DPH7: variants seen among roughly 807,000 people sequenced by gnomAD.
The protein encoded by DPH7 is diphthamide biosynthesis 7.
A neutral mutation model predicts 41.7 loss-of-function variants in DPH7; 44 were observed. The observed-to-expected ratio is 1.05, with a 90% CI of 0.83 to 1.36. The LOEUF is 1.36. DPH7 is among the 40% of genes most tolerant of loss of function. The pLI is 0.00. For synonymous variants in DPH7, 275 were observed against 238.0 expected (o/e 1.16, Z -1.43); for missense variants, 629 against 577.5 (o/e 1.09, Z -0.91).
intron 5 of DPH7, among the ~76,000 whole-genome samples, chr9:137,571,917 T>C (rs2133126689): frequency 6.6e-6 from 1 of 152,294 alleles, no homozygotes; most frequent in South Asian, 2.1e-4. Flanking sequence ...AAAGAATGAA[T>C]CAGTCCAGAA....
intron 5 of DPH7, among the ~76,000 whole-genome samples, chr9:137,569,279 T>A (rs1340040589): frequency 1.0e-5 from 1 of 97,876 alleles, no homozygotes; most frequent in Non-Finnish European, 2.0e-5. Flanking sequence ...CCTCACCCTA[T>A]CCAAAATTCC....
At chr9:137,562,292 G>C (rs890888543) in intron 8 of DPH7, among the ~76,000 whole-genome samples, 11 of 152,106 alleles carry the variant, frequency 7.2e-5, no homozygotes, top group African/African-American at 2.7e-4. Flanking sequence ...ACACACGTCC[G>C]CAAGTGCACA....
intron 8 of DPH7, among the ~76,000 whole-genome samples, chr9:137,561,021 CAA>C (rs869251490): frequency 2.5e-4 from 20 of 80,672 alleles, no homozygotes; most frequent in South Asian, 4.1e-4. Context: ...GACCCCATCT[CAA>C]AAAAAAAAAA....
intron 6 of DPH7, 62 bp downstream of exon 6, chr9:137,565,023 C>A (rs2132998539): frequency 1.2e-6 from 2 of 1,610,834 alleles, no homozygotes; most frequent in South Asian, 1.1e-5. Context: ...AACGGGAGGG[C>A]TGGTGACCCA....
Position 137,565,129 on chromosome 9 carries a change from G to A in DPH7, c.666C>T (p.Gly222=). ...YSGGDDGLLR[G]WDTRVPGKFL... is the part of the protein sequence containing the mutation. ...ATTTGCCGGGTACCCTGGTGTCCCA[G>A]CCCCTCAGAAGGCCATCGTCGCCCC... Residue 222 remains glycine, a synonymous_variant, in exon 6 of 9, where the codon GGC becomes GGT. Transcript: ENST00000277540. 1 of 1,614,050 alleles carries A rather than the reference G, an allele frequency of 6.2e-7. No homozygotes were observed. Among genetic ancestry groups the A allele is most frequent in the Non-Finnish European group, 8.5e-7 (1 of 1,180,032 alleles).
chr9:137,576,200 G>A, intron 2 of DPH7, 33 bp from the exon 3 acceptor site: 1 of 1,598,710 alleles, frequency 6.3e-7, no homozygotes, highest in Non-Finnish European at 8.6e-7. Context: ...GCACACCAAT[G>A]TGCCCGGAGC....
intron 8 of DPH7, among the ~76,000 whole-genome samples, chr9:137,564,005 A>T (rs1028552539): frequency 6.6e-6 from 1 of 152,196 alleles, no homozygotes; most frequent in African/African-American, 2.4e-5. Context: ...GGTTCTGCCC[A>T]GAGTGTGAGA....
intron 2 of DPH7, among the ~76,000 whole-genome samples, chr9:137,577,211 G>A (rs1841563159): frequency 6.6e-6 from 1 of 152,182 alleles, no homozygotes; most frequent in Non-Finnish European, 1.5e-5. Context: ...AAGTGGGCTA[G>A]AGCCTACAAC....
In DPH7 at chr9:137,554,524, G is replaced by C. The variant is rs747066213; in HGVS notation, c.*715C>G. ...GTTGCCCCTGGCTCATTGCAGCCTCGACCTCCTGGGCTCAACAATCCTCCT... is the reference window on the plus strand; with the variant it reads ...GTTGCCCCTGGCTCATTGCAGCCTCCACCTCCTGGGCTCAACAATCCTCCT... On this transcript the variant is annotated 3_prime_UTR_variant, in exon 9 of 9. Transcript: ENST00000277540. Among the ~76,000 whole-genome samples the C allele has an allele frequency of 6.6e-6, 1 of 152,032 alleles. No individual in the cohort carries two copies. Among genetic ancestry groups the C allele is most frequent in the Non-Finnish European group, 1.5e-5 (1 of 68,002 alleles).
intron 8 of DPH7, among the ~76,000 whole-genome samples, chr9:137,559,183 G>A (rs542259295): frequency 3.0e-4 from 45 of 152,054 alleles, no homozygotes; most frequent in African/African-American, 1.1e-3. Flanking sequence ...TCATAACCTA[G>A]GAAAAACCAG....
At chr9:137,569,037 G>A (rs768757631) in intron 5 of DPH7, among the ~76,000 whole-genome samples, 2 of 152,120 alleles carry the variant, frequency 1.3e-5, no homozygotes, top group Non-Finnish European at 2.9e-5. Flanking sequence ...AAGGATGGGA[G>A]AAGAGAGGAG....
rs952910972 is a variant in DPH7 at position 137,555,779 on chromosome 9, G to A, written c.950-131C>T. 1.6e-4 allele frequency: 171 copies of A among 1,073,402 alleles called. 1 individual carries two copies. Among genetic ancestry groups the A allele is most frequent in the Non-Finnish European group, 1.7e-4 (128 of 771,498 alleles). The allele number at this position is 1,073,402 out of a possible 1,614,324, so 66.5% of individuals were successfully genotyped here. A position where few individuals can be genotyped will look rare whatever the true frequency, so the allele number is the denominator to read the frequency against. On this transcript the variant is annotated intron_variant, in intron 8 of 8. Coordinates refer to ENST00000277540, the MANE Select transcript of DPH7 (RefSeq NM_138778.5). ...AGCAAGTGTTTCCTGAGGAGCCGTT[G>A]TGTCATGCAAAGGAACCAGCAAGAC...
intron 5 of DPH7, among the ~76,000 whole-genome samples, chr9:137,570,140 C>T (rs1840186895): frequency 6.6e-6 from 1 of 150,996 alleles, no homozygotes; most frequent in Admixed American, 6.6e-5. Flanking sequence ...CACCCACCCA[C>T]CCACCACCCA....
chr9:137,568,465 C>T (rs1435537937), intron 5 of DPH7, among the ~76,000 whole-genome samples: 1 of 57,022 alleles, frequency 1.8e-5, no homozygotes, highest in African/African-American at 8.4e-5. Context: ...CCCTGGGTGA[C>T]TCTGTCTGTG....
Position 137,555,179 on chromosome 9 carries a change from G to C in DPH7, c.*60C>G. 6.5e-7 allele frequency: 1 copy of C among 1,530,560 alleles called. No homozygotes were observed. The highest frequency in any genetic ancestry group is 8.8e-7 in the Non-Finnish European group (1 of 1,137,330). 94.8% of individuals were successfully genotyped at this position (1,530,560 alleles called of 1,614,324 possible). A position where few individuals can be genotyped will look rare whatever the true frequency, so the allele number is the denominator to read the frequency against. ...AGCATCTCTGATGAGGTGGTCCCGG[G>C]CACTCACTCGCAGTCTCCCTCCTGG... On this transcript the variant is annotated 3_prime_UTR_variant, in exon 9 of 9. Coordinates refer to ENST00000277540, the MANE Select transcript of DPH7 (RefSeq NM_138778.5).
chr9:137,573,368 A>AG, intron 5 of DPH7, among the ~76,000 whole-genome samples: 1 of 139,036 alleles, frequency 7.2e-6, no homozygotes, highest in South Asian at 2.3e-4. Flanking sequence ...CTCAAAAAAA[A>AG]AAAAAAAAAA....
At chr9:137,561,611 A>C (rs1313933016) in intron 8 of DPH7, among the ~76,000 whole-genome samples, 2 of 151,852 alleles carry the variant, frequency 1.3e-5, no homozygotes, top group African/African-American at 4.8e-5. Flanking sequence ...GTGAACTGAA[A>C]GAGAATGAAA....
At chr9:137,559,231 T>A (rs1476933700) in intron 8 of DPH7, among the ~76,000 whole-genome samples, 4 of 152,000 alleles carry the variant, frequency 2.6e-5, no homozygotes, top group South Asian at 2.1e-4. Context: ...CATAGTGAGG[T>A]GTGACCAGAA....
In DPH7 at chr9:137,554,911, A is replaced by G. The variant is rs889831656; in HGVS notation, c.*328T>C. 1.3e-4 allele frequency: 34 copies of G among 253,258 alleles called. No homozygotes were observed. The highest frequency in any genetic ancestry group is 7.3e-4 in the African/African-American group (33 of 45,062). The allele number at this position is 253,258 out of a possible 1,614,324, so 15.7% of individuals were successfully genotyped here. A position where few individuals can be genotyped will look rare whatever the true frequency, so the allele number is the denominator to read the frequency against. Reference sequence around the variant, plus strand: ...ACATGTTATAAACTCGTGTTTTTCAAAAAACTTCATTTAATACAAATAGTT... The same window carrying G: ...ACATGTTATAAACTCGTGTTTTTCAGAAAACTTCATTTAATACAAATAGTT... On this transcript the variant is annotated 3_prime_UTR_variant, in exon 9 of 9. Coordinates refer to ENST00000277540, the MANE Select transcript of DPH7 (RefSeq NM_138778.5).
Sources: gnomAD v4.1 joint callset for allele counts (sites outside exome capture counted in the v4.1 genomes callset) on GRCh38, gnomAD v4.1.1 for gene constraint, MANE v1.5 for transcripts, NCBI Gene and HGNC (gene_info 2026-07-23, HGNC 2026-07-21) for gene names.